The following SCP2 variants were observed in gnomAD, a reference collection of about 807,000 sequenced individuals.
SCP2 encodes the protein sterol carrier protein 2, also known as SCP-2/3-oxoacyl-CoA thiolase.
In SCP2, 48 loss-of-function variants were observed where a neutral mutation model predicts 71.4. That is an observed-to-expected ratio of 0.67 (90% CI 0.53 to 0.86). The LOEUF is 0.86. Among genes scored for constraint, SCP2 ranks in the 40% least tolerant of loss-of-function variants. SCP2 has a pLI of 0.00. For missense variants in SCP2, 560 were observed against 655.6 expected (o/e 0.85, Z 1.59); for synonymous variants, 220 against 218.1 (o/e 1.01, Z -0.08).
chr1:52,934,592 C>CTTTTTTTTTTTTTTTTTTT lies in SCP2; in HGVS notation c.69+7147_69+7165dup, dbSNP rs771433635. ...GTTTCAAATTCTACATTCCAGCTAA[C>CTTTTTTTTTTTTTTTTTTT]TTTTTTTTTTTTTTTTTTTTTTTTT... On this transcript the variant is annotated intron_variant, in intron 1 of 15. Transcript: ENST00000371514. Among the ~76,000 whole-genome samples the CTTTTTTTTTTTTTTTTTTT allele has an allele frequency of 2.1e-4, 6 of 29,036 alleles. 2 individuals are homozygous for CTTTTTTTTTTTTTTTTTTT. The highest frequency in any genetic ancestry group is 3.5e-4 in the Non-Finnish European group (5 of 14,470). 19.0% of individuals were successfully genotyped at this position (29,036 alleles called of 152,430 possible). A position where few individuals can be genotyped will look rare whatever the true frequency, so the allele number is the denominator to read the frequency against.
intron 15 of SCP2, 142 bp from the exon 16 acceptor site, chr1:53,050,467 A>G (rs1664133904): frequency 3.2e-6 from 2 of 631,762 alleles, no homozygotes; most frequent in Non-Finnish European, 5.7e-6. Context: ...TTCCAAATCT[A>G]TTCCAGAAAG....
intron 9 of SCP2, among the ~76,000 whole-genome samples, chr1:52,979,264 T>C (rs1658254348): frequency 6.6e-6 from 1 of 151,810 alleles, no homozygotes; most frequent in Non-Finnish European, 1.5e-5. Flanking sequence ...CTCTGCCTCC[T>C]AGTCTCAAGC....
intron 6 of SCP2, among the ~76,000 whole-genome samples, chr1:52,973,492 T>C (rs1232623258): frequency 6.6e-6 from 1 of 152,252 alleles, no homozygotes; most frequent in Non-Finnish European, 1.5e-5. Context: ...TTTTCTTTGA[T>C]CTAACAGTCA....
At chr1:52,992,010 C>T (rs2150194223) in intron 11 of SCP2, among the ~76,000 whole-genome samples, 1 of 152,244 alleles carries the variant, frequency 6.6e-6, no homozygotes, top group African/African-American at 2.4e-5. Flanking sequence ...AAAGCTTACA[C>T]TTAATACTTG....
chr1:53,004,100 G>A (rs1006342499), intron 11 of SCP2, among the ~76,000 whole-genome samples: 14 of 152,122 alleles, frequency 9.2e-5, no homozygotes, highest in Admixed American at 2.6e-4. Flanking sequence ...ACTGACTAAC[G>A]GGTGGGTGGG....
chr1:52,995,097 A>G, intron 11 of SCP2: 1 of 501,150 alleles, frequency 2.0e-6, no homozygotes, highest in Non-Finnish European at 4.0e-6. Flanking sequence ...AGGAGGAGTA[A>G]GAGAGCTGTG....
At chr1:52,991,230 G>A (rs6695845) in intron 11 of SCP2, among the ~76,000 whole-genome samples, 48,099 of 152,024 alleles carry the variant, frequency 0.32, 12,725 homozygotes, top group African/African-American at 0.72. Context: ...TGTGGATTAA[G>A]TGAGGAAATA....
chr1:52,993,611 A>G, intron 11 of SCP2: 3 of 1,612,396 alleles, frequency 1.9e-6, no homozygotes, highest in East Asian at 2.2e-5. Flanking sequence ...TGCTGTATCC[A>G]AAATATCTAG....
intron 5 of SCP2, 35 bp downstream of exon 5, chr1:52,954,839 T>C (rs1655650827): frequency 6.6e-7 from 1 of 1,507,938 alleles, no homozygotes; most frequent in African/African-American, 1.4e-5. Flanking sequence ...CTAAATGAGC[T>C]AATATAACCC....
At chr1:52,953,906 C>T (rs1655550737) in intron 4 of SCP2, among the ~76,000 whole-genome samples, 1 of 150,844 alleles carries the variant, frequency 6.6e-6, no homozygotes, top group African/African-American at 2.4e-5. Context: ...TGCTTGAGCC[C>T]AGGAGGTCTA....
At chr1:53,048,421 T>C (rs1663975407) in intron 15 of SCP2, 1 of 198,484 alleles carries the variant, frequency 5.0e-6, no homozygotes, top group South Asian at 1.0e-4. Flanking sequence ...TGTCCTTACC[T>C]GACAAATGAC....
chr1:52,948,968 G>A (rs1253812692), intron 3 of SCP2, among the ~76,000 whole-genome samples: 1 of 149,724 alleles, frequency 6.7e-6, no homozygotes, highest in South Asian at 2.1e-4. Context: ...TTTGTTTTTG[G>A]CAAAGGGGTA....
chr1:52,963,744 A>G (rs1490840000), intron 6 of SCP2: 8 of 152,200 alleles, frequency 5.3e-5, no homozygotes, highest in Non-Finnish European at 1.2e-4. Flanking sequence ...TATTTTTCAT[A>G]TGAGGAACCT....
chr1:53,017,819 G>A (rs942721882), intron 12 of SCP2, among the ~76,000 whole-genome samples: 2 of 152,132 alleles, frequency 1.3e-5, no homozygotes, highest in Non-Finnish European at 2.9e-5. Context: ...TGTTGGAGTA[G>A]TAGCATTGCA....
chr1:53,036,229 TATG>T (rs1662941309), intron 13 of SCP2, among the ~76,000 whole-genome samples: 1 of 149,922 alleles, frequency 6.7e-6, no homozygotes, highest in Non-Finnish European at 1.5e-5. Context: ...TATAAAACAA[TATG>T]ATCCCATTTA....
chr1:53,036,670 C>G (rs1662974820), intron 13 of SCP2, among the ~76,000 whole-genome samples: 1 of 150,664 alleles, frequency 6.6e-6, no homozygotes, highest in South Asian at 2.1e-4. Context: ...TATATATAAT[C>G]TTTTCTGTTT....
chr1:52,935,992 G>A (rs1557541992), intron 1 of SCP2, among the ~76,000 whole-genome samples: 2 of 151,550 alleles, frequency 1.3e-5, no homozygotes, highest in African/African-American at 2.4e-5. Flanking sequence ...CCAACTACAT[G>A]TCTGTGTTAG....
chr1:53,019,777 C>A (rs1297695417), intron 12 of SCP2, among the ~76,000 whole-genome samples: 1 of 152,222 alleles, frequency 6.6e-6, no homozygotes, highest in African/African-American at 2.4e-5. Flanking sequence ...TGTTTCCATA[C>A]TCATGTAGCC....
At chr1:52,979,013 C>T (rs1658230313) in intron 9 of SCP2, among the ~76,000 whole-genome samples, 1 of 152,134 alleles carries the variant, frequency 6.6e-6, no homozygotes. Flanking sequence ...CACAAAATTG[C>T]ATGCTAAATT....
Sources: gnomAD v4.1 joint callset for allele counts (sites outside exome capture counted in the v4.1 genomes callset) on GRCh38, gnomAD v4.1.1 for gene constraint, MANE v1.5 for transcripts, NCBI Gene and HGNC (gene_info 2026-07-23, HGNC 2026-07-21) for gene names.